The following OR51B5 variants were observed in gnomAD, a reference collection of about 807,000 sequenced individuals.
OR51B5 encodes the protein olfactory receptor family 51 subfamily B member 5.
For synonymous variants in OR51B5, 186 were observed against 144.8 expected, an observed-to-expected ratio of 1.28 and a Z score of -2.04; for missense variants, 456 against 374.6, an observed-to-expected ratio of 1.22 and a Z score of -1.79.
chr11:5,393,024 A>G (rs1167132988), intron 1 of OR51B5: 1 of 152,252 alleles, frequency 6.6e-6, no homozygotes, highest in Non-Finnish European at 1.5e-5. Context: ...TTTATAAAAA[A>G]CAAAATACAT....
At position 5,505,525 on chromosome 11, in the gene OR51B5, C is replaced by T. The variant is rs546545586; in HGVS notation, n.84+44G>A. On this transcript the variant is annotated intron_variant and non_coding_transcript_variant, in intron 1 of 4. Coordinates refer to the OR51B5 transcript ENST00000415970. The stretch of plus-strand genomic sequence containing the variant: ...TTCACGCTGCTAATGAAGATATACC[C>T]GAGACTGGGCAATTTATAAAAGAAA... The T allele has an allele frequency of 9.2e-5, 110 of 1,190,158 alleles. 1 individual carries two copies. In the South Asian group the frequency reaches 1.5e-3, roughly 16 times the overall value. 73.7% of individuals were successfully genotyped at this position (1,190,158 alleles called of 1,614,324 possible). A position where few individuals can be genotyped will look rare whatever the true frequency, so the allele number is the denominator to read the frequency against.
chr11:5,493,542 A>G (rs1438150439), intron 1 of OR51B5, among the ~76,000 whole-genome samples: 4 of 152,220 alleles, frequency 2.6e-5, no homozygotes, highest in Non-Finnish European at 5.9e-5. Flanking sequence ...GGTCGGTTAA[A>G]CTTAACAACT....
intron 1 of OR51B5, chr11:5,454,519 T>C (rs1287264533): frequency 9.0e-7 from 1 of 1,113,084 alleles, no homozygotes; most frequent in East Asian, 2.4e-5. Context: ...AGATAGATTG[T>C]GTGCTGCGGG....
At chr11:5,358,583 A>G (rs1361214349) in intron 1 of OR51B5, among the ~76,000 whole-genome samples, 1 of 152,220 alleles carries the variant, frequency 6.6e-6, no homozygotes, top group African/African-American at 2.4e-5. Context: ...AGCTGGTACC[A>G]TTCCCTCTGA....
rs962518461 is a variant in OR51B5 at position 5,427,392 on chromosome 11, A to G, written n.84+78177T>C. Among the ~76,000 whole-genome samples, 14 of 152,356 alleles carry G rather than the reference A, an allele frequency of 9.2e-5. 1 individual carries two copies. The highest frequency in any genetic ancestry group is 9.1e-4 in the Admixed American group (14 of 15,306). On this transcript the variant is annotated intron_variant and non_coding_transcript_variant, in intron 1 of 4. Transcript: ENST00000415970. ...AAGTGAATGACAGATGGCGTGAGCCAGGTTTTTCAGAGTTAGAGTAGAAGG... is the reference window on the plus strand; with the variant it reads ...AAGTGAATGACAGATGGCGTGAGCCGGGTTTTTCAGAGTTAGAGTAGAAGG...
At chr11:5,351,188 C>T (rs1456306537) in intron 1 of OR51B5, among the ~76,000 whole-genome samples, 1 of 152,118 alleles carries the variant, frequency 6.6e-6, no homozygotes, top group Non-Finnish European at 1.5e-5. Flanking sequence ...GTGATTTCTT[C>T]TTTCATTTTG....
At chr11:5,391,776 AG>A (rs1017824650) in intron 1 of OR51B5, 395 of 8,306 alleles carry the variant, frequency 0.048, no homozygotes, top group Middle Eastern at 0.17. Flanking sequence ...CTATAATCCC[AG>A]CACTTTGGGA....
chr11:5,402,986 A>G, intron 1 of OR51B5: 1 of 471,420 alleles, frequency 2.1e-6, no homozygotes, highest in Middle Eastern at 3.2e-4. Flanking sequence ...ATAGCCATCT[A>G]CAGCCCACTG....
At chr11:5,425,297 G>A (rs1850431199) in intron 1 of OR51B5, among the ~76,000 whole-genome samples, 1 of 152,124 alleles carries the variant, frequency 6.6e-6, no homozygotes, top group African/African-American at 2.4e-5. Flanking sequence ...ATAAATTTTG[G>A]GATTATGTTG....
intron 1 of OR51B5, chr11:5,423,109 G>A (rs1261693898): frequency 1.2e-6 from 2 of 1,607,320 alleles, no homozygotes; most frequent in Non-Finnish European, 1.7e-6. Flanking sequence ...AGATCCAATG[G>A]GGAATGTTAA....
intron 1 of OR51B5, among the ~76,000 whole-genome samples, chr11:5,407,889 C>T (rs1357177352): frequency 2.0e-5 from 3 of 150,420 alleles, no homozygotes; most frequent in Non-Finnish European, 4.4e-5. Flanking sequence ...TTTGTATCCA[C>T]ATTTTAATAA....
chr11:5,367,879 A>T (rs900045589), intron 1 of OR51B5, among the ~76,000 whole-genome samples: 3 of 152,102 alleles, frequency 2.0e-5, no homozygotes, highest in African/African-American at 7.2e-5. Flanking sequence ...CTTTCTGCCT[A>T]TATCTATTTT....
Position 5,435,611 on chromosome 11 carries a change from CTG to C in OR51B5, n.84+69956_84+69957del, listed in dbSNP as rs929921729. Reference sequence around the variant, plus strand: ...GAATAAATAACTGAATAAATAGTATCTGAGGTTTCCATGGTGATATCCTGTAA... The same window carrying C: ...GAATAAATAACTGAATAAATAGTATCAGGTTTCCATGGTGATATCCTGTAA... On this transcript the variant is annotated intron_variant and non_coding_transcript_variant, in intron 1 of 4. Transcript: ENST00000415970. Among the ~76,000 whole-genome samples, 4 of 56,320 alleles carry C rather than the reference CTG, an allele frequency of 7.1e-5. No homozygotes were observed. The Admixed American group carries it at 8.3e-4, about 12-fold the overall frequency. 36.9% of individuals were successfully genotyped at this position (56,320 alleles called of 152,430 possible). A position where few individuals can be genotyped will look rare whatever the true frequency, so the allele number is the denominator to read the frequency against.
chr11:5,359,831 A>G (rs1393556869), intron 1 of OR51B5, among the ~76,000 whole-genome samples: 2 of 152,144 alleles, frequency 1.3e-5, no homozygotes, highest in Non-Finnish European at 2.9e-5. Context: ...GGCCTCAGAA[A>G]TAATGCCGCA....
chr11:5,359,606 C>G (rs1374731921), intron 1 of OR51B5, among the ~76,000 whole-genome samples: 1 of 145,914 alleles, frequency 6.9e-6, no homozygotes, highest in Non-Finnish European at 1.5e-5. Context: ...CCCCATCAAG[C>G]TACCAATGAC....
intron 1 of OR51B5, among the ~76,000 whole-genome samples, chr11:5,483,212 A>G: frequency 6.7e-6 from 1 of 149,518 alleles, no homozygotes; most frequent in Admixed American, 6.7e-5. Flanking sequence ...TTGTAGAGAC[A>G]TGGATGAAAT....
At chr11:5,492,706 G>C (rs1564832297) in intron 1 of OR51B5, among the ~76,000 whole-genome samples, 1 of 152,080 alleles carries the variant, frequency 6.6e-6, no homozygotes, top group African/African-American at 2.4e-5. Context: ...GCACAATCTC[G>C]ACTTACTGCA....
chr11:5,366,756 C>T (rs1483586013), intron 1 of OR51B5, among the ~76,000 whole-genome samples: 1 of 151,960 alleles, frequency 6.6e-6, no homozygotes, highest in Non-Finnish European at 1.5e-5. Flanking sequence ...TCAGGGTATT[C>T]ACTTGAGATT....
At chr11:5,381,651 C>T (rs574943812) in intron 1 of OR51B5, among the ~76,000 whole-genome samples, 2 of 152,200 alleles carry the variant, frequency 1.3e-5, no homozygotes, top group African/African-American at 2.4e-5. Flanking sequence ...ACTTAATGCA[C>T]GTCAATGAAA....
Sources: gnomAD v4.1 joint callset for allele counts (sites outside exome capture counted in the v4.1 genomes callset) on GRCh38, gnomAD v4.1.1 for gene constraint, MANE v1.5 for transcripts, NCBI Gene and HGNC (gene_info 2026-07-23, HGNC 2026-07-21) for gene names.